Variants in SSR3 observed in about 807,000 individuals in gnomAD.
SSR3 encodes translocon-associated protein subunit gamma.
In SSR3, 10 loss-of-function variants were observed where a neutral mutation model predicts 22.1. The observed-to-expected ratio is 0.45, with a 90% CI of 0.28 to 0.77. The LOEUF is 0.77. SSR3 is among the 30% of genes least tolerant of loss of function. SSR3 has a pLI of 0.13. For missense variants in SSR3, 181 were observed against 220.5 expected (o/e 0.82, Z 1.13); for synonymous variants, 104 against 82.5 (o/e 1.26, Z -1.42).
chr3:156,554,902 C>A (rs1720095364), intron 1 of SSR3, 55 bp downstream of exon 1: 1 of 1,576,524 alleles, frequency 6.3e-7, no homozygotes, highest in East Asian at 2.3e-5. Flanking sequence ...GCCACGTCCC[C>A]GCCCAGCCCG....
At position 156,543,066 on chromosome 3, in the gene SSR3, A is replaced by T; in HGVS notation, c.*137T>A. ...AAAAACAGCCAATAAACAAATACTGAATTACATTCTGCTGGGTTTTTTAAA... is the reference window on the plus strand; with the variant it reads ...AAAAACAGCCAATAAACAAATACTGTATTACATTCTGCTGGGTTTTTTAAA... On this transcript the variant is annotated 3_prime_UTR_variant, in exon 5 of 5. Transcript: ENST00000265044. The T allele has an allele frequency of 3.6e-6, 2 of 561,646 alleles. No individual in the cohort carries two copies. Among genetic ancestry groups the T allele is most frequent in the Non-Finnish European group, 6.1e-6 (2 of 326,444 alleles). The allele number at this position is 561,646 out of a possible 1,614,324, so 34.8% of individuals were successfully genotyped here. A position where few individuals can be genotyped will look rare whatever the true frequency, so the allele number is the denominator to read the frequency against.
intron 1 of SSR3, 57 bp from the exon 2 acceptor site, chr3:156,553,838 C>A: frequency 6.6e-7 from 1 of 1,523,060 alleles, no homozygotes; most frequent in South Asian, 1.3e-5. Flanking sequence ...TACAACCCCG[C>A]AACAAAAGCC....
chr3:156,544,596 T>C (rs1273446795), intron 3 of SSR3, among the ~76,000 whole-genome samples, 157 bp from the exon 4 acceptor site: 2 of 126,964 alleles, frequency 1.6e-5, no homozygotes, highest in Non-Finnish European at 3.7e-5. Context: ...AATTGTCCCC[T>C]TTCTTCCACT....
intron 3 of SSR3, among the ~76,000 whole-genome samples, chr3:156,545,752 A>C (rs1424661340): frequency 6.6e-6 from 1 of 152,206 alleles, no homozygotes; most frequent in Non-Finnish European, 1.5e-5. Flanking sequence ...TGCAGCCATC[A>C]ACTATAAAAC....
At position 156,543,719 on chromosome 3, in the gene SSR3, AC is replaced by A. The variant is rs560835544; in HGVS notation, c.492-451del. Among the ~76,000 whole-genome samples, 121 of 152,356 alleles carry A rather than the reference AC, an allele frequency of 7.9e-4. 1 individual carries two copies. Among genetic ancestry groups the A allele is most frequent in the African/African-American group, 2.8e-3 (118 of 41,582 alleles). The stretch of plus-strand genomic sequence containing the variant: ...AAGCTACTCCTAGCCTCAGAACTCT[AC>A]AATTTTCAGCAAATCACTCCAGCAT... On this transcript the variant is annotated intron_variant, in intron 4 of 4. Transcript: ENST00000265044.
intron 3 of SSR3, among the ~76,000 whole-genome samples, chr3:156,544,783 T>C (rs1319180986): frequency 6.6e-6 from 1 of 152,184 alleles, no homozygotes; most frequent in Non-Finnish European, 1.5e-5. Flanking sequence ...TCAAACTCCA[T>C]GATTAGCAGC....
chr3:156,553,916 G>C (rs929500878), intron 1 of SSR3, 135 bp from the exon 2 acceptor site: 24 of 814,808 alleles, frequency 2.9e-5, no homozygotes, highest in Non-Finnish European at 4.3e-5. Context: ...AATAGTATCT[G>C]AGGATCTTCA....
intron 2 of SSR3, 51 bp downstream of exon 2, chr3:156,553,604 A>T (rs368229628): frequency 3.2e-6 from 5 of 1,565,402 alleles, no homozygotes; most frequent in Non-Finnish European, 4.3e-6. Context: ...TTAAGAAGAC[A>T]TATAAAAATA....
chr3:156,546,167 G>A (rs530971937), intron 3 of SSR3, among the ~76,000 whole-genome samples: 10 of 152,314 alleles, frequency 6.6e-5, no homozygotes, highest in African/African-American at 2.4e-4. Context: ...ACTGGATCAT[G>A]GGTGTGGTTT....
In SSR3 at chr3:156,553,689, C is replaced by A; in HGVS notation, c.226G>T (p.Ala76Ser). The A allele has an allele frequency of 6.2e-7, 1 of 1,612,190 alleles. No homozygotes were observed. The highest frequency in any genetic ancestry group is 8.5e-7 in the Non-Finnish European group (1 of 1,179,872). ...TLVSTYLVAF[A>S]YKNVKFVLKH... ...AGAACAAATTTCACATTCTTGTATG[C>A]AAAGGCTACCAAATATGTGCTTACT... The change falls in exon 2 of 5, where the codon GCA becomes TCA. Residue 76 changes from alanine to serine, a missense_variant. Transcript: ENST00000265044.
chr3:156,544,576 A>T (rs1719694723), intron 3 of SSR3, 137 bp from the exon 4 acceptor site: 1 of 614,002 alleles, frequency 1.6e-6, no homozygotes, highest in East Asian at 3.4e-5. Context: ...GTAATATTAG[A>T]TTTAGTCAGA....
chr3:156,553,496 T>C (rs1002860709), intron 2 of SSR3, among the ~76,000 whole-genome samples, 159 bp downstream of exon 2: 1 of 152,224 alleles, frequency 6.6e-6, no homozygotes, highest in Non-Finnish European at 1.5e-5. Flanking sequence ...AGTTAGTTAA[T>C]AATTCTTCCT....
intron 2 of SSR3, among the ~76,000 whole-genome samples, chr3:156,549,608 T>A (rs9820091): frequency 6.6e-6 from 1 of 152,120 alleles, no homozygotes. Context: ...TAAGCACAAA[T>A]TGCAACTGAT....
intron 2 of SSR3, among the ~76,000 whole-genome samples, chr3:156,549,444 G>A (rs1719873441): frequency 6.6e-6 from 1 of 152,178 alleles, no homozygotes. Context: ...CTTAAACGAA[G>A]TGGAAATAAC....
chr3:156,555,013 G>C lies in SSR3; in HGVS notation c.77C>G (p.Ala26Gly). ...TCCGAAGAAGAGCGCGGAGGACTTG[G>C]CCGAGAGATTGCGGCTGAAATCCTG... ...LLQDFSRNLS[A>G]KSSALFFGNA... is the part of the protein sequence containing the mutation. The change falls in exon 1 of 5, where the codon GCC becomes GGC. Residue 26 changes from alanine to glycine, a missense_variant. Transcript: ENST00000265044. The C allele has an allele frequency of 6.2e-7, 1 of 1,614,066 alleles. No individual in the cohort carries two copies. The highest frequency in any genetic ancestry group is 8.5e-7 in the Non-Finnish European group (1 of 1,179,958).
chr3:156,546,633 C>T (rs949660807), intron 3 of SSR3, among the ~76,000 whole-genome samples: 22 of 152,286 alleles, frequency 1.4e-4, no homozygotes, highest in East Asian at 3.9e-4. Flanking sequence ...TCATTGCCAA[C>T]GGTTCTGCCT....
intron 4 of SSR3, among the ~76,000 whole-genome samples, 188 bp from the exon 5 acceptor site, chr3:156,543,457 C>T (rs1487294734): frequency 6.6e-6 from 1 of 152,036 alleles, no homozygotes. Context: ...GGAAAACATT[C>T]ACAGGAAATG....
chr3:156,549,886 G>A (rs1719889096), intron 2 of SSR3, among the ~76,000 whole-genome samples: 1 of 152,134 alleles, frequency 6.6e-6, no homozygotes, highest in Admixed American at 6.5e-5. Context: ...AGGCTGCTAA[G>A]GGGGCAGAGA....
chr3:156,550,378 A>T (rs2108449184), intron 2 of SSR3, among the ~76,000 whole-genome samples: 1 of 152,326 alleles, frequency 6.6e-6, no homozygotes, highest in African/African-American at 2.4e-5. Flanking sequence ...CACATGATAA[A>T]TCCTCATGAA....
Sources: gnomAD v4.1 joint callset for allele counts (sites outside exome capture counted in the v4.1 genomes callset) on GRCh38, gnomAD v4.1.1 for gene constraint, MANE v1.5 for transcripts, NCBI Gene and HGNC (gene_info 2026-07-23, HGNC 2026-07-21) for gene names.